Variants in ADARB2 observed in about 807,000 individuals in gnomAD.
The protein encoded by ADARB2 is adenosine deaminase RNA specific B2 (inactive).
A neutral mutation model predicts 62.2 loss-of-function variants in ADARB2; 25 were observed. That is an observed-to-expected ratio of 0.40 (90% confidence interval 0.29 to 0.56). The LOEUF is 0.56. Ranked by LOEUF, ADARB2 falls within the 20% of genes least tolerant of loss-of-function variation. The pLI is 0.43. For synonymous variants in ADARB2, 572 were observed against 500.8 expected, an observed-to-expected ratio of 1.14 and a Z score of -1.90; for missense variants, 1,071 against 1,077.4, an observed-to-expected ratio of 0.99 and a Z score of 0.08.
chr10:1,268,404 A>G (rs1023739313), intron 4 of ADARB2, among the ~76,000 whole-genome samples: 1 of 152,210 alleles, frequency 6.6e-6, no homozygotes, highest in African/African-American at 2.4e-5. Flanking sequence ...ATTTCTCATA[A>G]TGGCTAAGAA....
At chr10:1,444,012 C>CCCATCCATCCAT (rs766674526) in intron 1 of ADARB2, among the ~76,000 whole-genome samples, 3 of 150,544 alleles carry the variant, frequency 2.0e-5, no homozygotes, top group Non-Finnish European at 3.0e-5. Context: ...TGTCCATCCA[C>CCCATCCATCCAT]CCATCCATCC....
intron 1 of ADARB2, among the ~76,000 whole-genome samples, chr10:1,730,355 T>C (rs934546906): frequency 3.9e-5 from 6 of 152,212 alleles, no homozygotes; most frequent in Admixed American, 6.5e-5. Flanking sequence ...GCTGGGTTTC[T>C]CTTTCTGATC....
chr10:1,454,259 C>T (rs1831072084), intron 1 of ADARB2, among the ~76,000 whole-genome samples: 1 of 152,184 alleles, frequency 6.6e-6, no homozygotes. Flanking sequence ...TCAGTTACCT[C>T]CCACTGGGTT....
intron 3 of ADARB2, among the ~76,000 whole-genome samples, chr10:1,303,242 A>G (rs2131818637): frequency 6.6e-6 from 1 of 152,302 alleles, no homozygotes; most frequent in East Asian, 1.9e-4. Flanking sequence ...CAGAAGCCTC[A>G]GGAGCCGATG....
At chr10:1,199,653 G>T (rs1033017702) in intron 8 of ADARB2, 3 of 297,304 alleles carry the variant, frequency 1.0e-5, no homozygotes, top group East Asian at 1.1e-4. Context: ...GGGCGGCCAG[G>T]TGGGCAGGTG....
intron 1 of ADARB2, among the ~76,000 whole-genome samples, chr10:1,661,122 G>A (rs920183603): frequency 2.6e-5 from 4 of 152,164 alleles, no homozygotes; most frequent in Non-Finnish European, 5.9e-5. Context: ...GTAAGAGAGT[G>A]CTCCTGACCG....
chr10:1,488,516 G>A (rs1316415543), intron 1 of ADARB2, among the ~76,000 whole-genome samples: 4 of 152,214 alleles, frequency 2.6e-5, no homozygotes, highest in Non-Finnish European at 4.4e-5. Context: ...TGGGACGGTG[G>A]AGAACTTGGA....
intron 1 of ADARB2, among the ~76,000 whole-genome samples, chr10:1,381,981 G>A (rs1028590349): frequency 1.3e-5 from 2 of 152,174 alleles, no homozygotes; most frequent in Non-Finnish European, 2.9e-5. Flanking sequence ...TGGGATAAAA[G>A]AGTGGATTTT....
chr10:1,315,795 T>C (rs539039052), intron 3 of ADARB2, among the ~76,000 whole-genome samples: 1 of 152,332 alleles, frequency 6.6e-6, no homozygotes, highest in African/African-American at 2.4e-5. Context: ...ATTATTTCCA[T>C]CGACCAAAAT....
intron 1 of ADARB2, among the ~76,000 whole-genome samples, chr10:1,529,435 C>G (rs1258043241): frequency 6.6e-6 from 1 of 152,194 alleles, no homozygotes; most frequent in Non-Finnish European, 1.5e-5. Flanking sequence ...CCTGAGAAAT[C>G]TGACTCCCTG....
intron 3 of ADARB2, among the ~76,000 whole-genome samples, chr10:1,340,317 G>C (rs61833566): frequency 0.022 from 746 of 33,232 alleles, 1 homozygote; most frequent in African/African-American, 0.036. Context: ...GGCAATAACC[G>C]GCATCCACCA....
intron 3 of ADARB2, among the ~76,000 whole-genome samples, chr10:1,286,400 C>T (rs1475068662): frequency 2.0e-5 from 3 of 152,188 alleles, no homozygotes; most frequent in African/African-American, 7.2e-5. Flanking sequence ...CTGACAATTA[C>T]AATAAAGCTT....
At chr10:1,663,620 A>T (rs562500949) in intron 1 of ADARB2, among the ~76,000 whole-genome samples, 2 of 148,436 alleles carry the variant, frequency 1.3e-5, no homozygotes, top group South Asian at 2.2e-4. Flanking sequence ...TGACAAATGA[A>T]TTTTTTTTTT....
intron 4 of ADARB2, among the ~76,000 whole-genome samples, chr10:1,252,676 T>G (rs994979726): frequency 1.3e-5 from 2 of 151,944 alleles, no homozygotes; most frequent in African/African-American, 4.8e-5. Flanking sequence ...TTTTTTTAAA[T>G]CTTCTGGTGT....
At chr10:1,273,826 C>T (rs1831287844) in intron 3 of ADARB2, among the ~76,000 whole-genome samples, 1 of 152,212 alleles carries the variant, frequency 6.6e-6, no homozygotes, top group South Asian at 2.1e-4. Context: ...CCAGGACCTC[C>T]CGCATCTCCC....
intron 3 of ADARB2, among the ~76,000 whole-genome samples, chr10:1,311,241 C>T (rs1233603959): frequency 6.6e-6 from 1 of 152,244 alleles, no homozygotes; most frequent in Non-Finnish European, 1.5e-5. Flanking sequence ...TCCCCTGCCA[C>T]ACATGACTGA....
chr10:1,297,894 C>A (rs1482443184), intron 3 of ADARB2, among the ~76,000 whole-genome samples: 1 of 152,214 alleles, frequency 6.6e-6, no homozygotes, highest in Non-Finnish European at 1.5e-5. Flanking sequence ...GAGGGTGGGA[C>A]AGATGCCCCT....
At chr10:1,612,869 G>C (rs1377776894) in intron 1 of ADARB2, among the ~76,000 whole-genome samples, 1 of 152,210 alleles carries the variant, frequency 6.6e-6, no homozygotes, top group Non-Finnish European at 1.5e-5. Context: ...CTGATCTTGA[G>C]GATAAGTGTG....
intron 1 of ADARB2, among the ~76,000 whole-genome samples, chr10:1,505,190 G>GAC (rs909132344): frequency 2.0e-4 from 31 of 151,454 alleles, no homozygotes; most frequent in African/African-American, 5.3e-4. Context: ...CACAGGCACC[G>GAC]ACACACACAC....
Sources: allele counts gnomAD v4.1 joint callset (sites outside exome capture counted in the v4.1 genomes callset), GRCh38; gene constraint gnomAD v4.1.1; transcripts MANE v1.5; gene names NCBI Gene and HGNC (gene_info 2026-07-23, HGNC 2026-07-21).